Variants in CELF2 observed in about 807,000 individuals in gnomAD.
CELF2 encodes the protein CUGBP Elav-like family member 2, also known as CUG triplet repeat RNA-binding protein 2.
Under a neutral mutation model 62.6 loss-of-function variants are expected in CELF2, and 8 were observed. That is an observed-to-expected ratio of 0.13 (90% CI 0.07 to 0.23). The LOEUF is 0.23. CELF2 is among the 10% of genes least tolerant of loss of function. The pLI is 1.00. For synonymous variants in CELF2, 258 were observed against 250.0 expected, an observed-to-expected ratio of 1.03 and a Z score of -0.30; for missense variants, 333 against 671.0, an observed-to-expected ratio of 0.50 and a Z score of 5.56.
chr10:11,063,868 A>G (rs1008676751), intron 1 of CELF2, among the ~76,000 whole-genome samples: 6 of 152,186 alleles, frequency 3.9e-5, no homozygotes, highest in African/African-American at 1.2e-4. Context: ...AAAGGTGACA[A>G]TGAGCATCTT....
chr10:10,550,613 A>C, the CELF2 span, among the ~76,000 whole-genome samples: 1 of 151,962 alleles, frequency 6.6e-6, no homozygotes, highest in Non-Finnish European at 1.5e-5. Flanking sequence ...CAATGAGTTG[A>C]TGCTGGGAAT....
At chr10:11,265,327 T>TTTA (rs2081907291) in intron 5 of CELF2, among the ~76,000 whole-genome samples, 1 of 152,248 alleles carries the variant, frequency 6.6e-6, no homozygotes, top group Non-Finnish European at 1.5e-5. Flanking sequence ...CCTCTCAGTG[T>TTTA]TTAGATCTGC....
At chr10:11,006,905 A>C (rs1481040225) in intron 1 of CELF2, among the ~76,000 whole-genome samples, 1 of 152,232 alleles carries the variant, frequency 6.6e-6, no homozygotes, top group African/African-American at 2.4e-5. Context: ...CTAAGGTGAG[A>C]ACAGTGAAGC....
chr10:11,094,043 A>G (rs993790513), intron 1 of CELF2, among the ~76,000 whole-genome samples: 3 of 152,220 alleles, frequency 2.0e-5, no homozygotes, highest in African/African-American at 7.2e-5. Context: ...GTTCTCGGAG[A>G]TTCAATGTCC....
intron 1 of CELF2, among the ~76,000 whole-genome samples, chr10:11,088,554 C>T (rs574717460): frequency 2.7e-5 from 4 of 149,908 alleles, no homozygotes; most frequent in South Asian, 4.2e-4. Flanking sequence ...GAGGAAGAGC[C>T]TAGCAGAGCC....
At chr10:10,673,210 C>T in the CELF2 span, among the ~76,000 whole-genome samples, 3 of 152,016 alleles carry the variant, frequency 2.0e-5, no homozygotes, top group Admixed American at 1.3e-4. Flanking sequence ...AGATTTTCTA[C>T]GTAGACTACC....
intron 1 of CELF2, among the ~76,000 whole-genome samples, chr10:11,023,690 G>T (rs1475136041): frequency 6.6e-6 from 1 of 152,226 alleles, no homozygotes; most frequent in Non-Finnish European, 1.5e-5. Context: ...TCTAAATCAT[G>T]ACAGAAAGTG....
At chr10:11,063,645 C>G (rs1019872210) in intron 1 of CELF2, among the ~76,000 whole-genome samples, 2 of 152,148 alleles carry the variant, frequency 1.3e-5, no homozygotes, top group Admixed American at 6.5e-5. Context: ...AAGTGTTACA[C>G]AAATGTGGCA....
chr10:10,483,888 C>T, the CELF2 span, among the ~76,000 whole-genome samples: 1 of 151,092 alleles, frequency 6.6e-6, no homozygotes, highest in African/African-American at 2.4e-5. Context: ...CTCTCTCTCT[C>T]GTCTCTCTCT....
chr10:11,113,238 C>T (rs1046003616), intron 1 of CELF2, among the ~76,000 whole-genome samples: 4 of 152,068 alleles, frequency 2.6e-5, no homozygotes, highest in Non-Finnish European at 5.9e-5. Context: ...GTCATGTTTC[C>T]AAAAGGAAAA....
intron 2 of CELF2, among the ~76,000 whole-genome samples, chr10:11,194,931 G>A (rs2057039462): frequency 6.6e-6 from 1 of 152,206 alleles, no homozygotes; most frequent in African/African-American, 2.4e-5. Flanking sequence ...GGAAGGAGTG[G>A]AGGGGAGCTT....
chr10:10,678,729 A>G, the CELF2 span, among the ~76,000 whole-genome samples: 1 of 152,222 alleles, frequency 6.6e-6, no homozygotes, highest in Non-Finnish European at 1.5e-5. Context: ...GCATTCCCAG[A>G]ACTTGGATAG....
chr10:10,923,533 A>G (rs1394930792), intron 2 of CELF2, among the ~76,000 whole-genome samples: 3 of 152,194 alleles, frequency 2.0e-5, no homozygotes, highest in Non-Finnish European at 4.4e-5. Flanking sequence ...TCGAAATGAG[A>G]TATGTGCCCA....
At chr10:10,506,492 A>G in the CELF2 span, among the ~76,000 whole-genome samples, 1 of 152,030 alleles carries the variant, frequency 6.6e-6, no homozygotes, top group East Asian at 1.9e-4. Context: ...GACAACCATC[A>G]TATCCACCTG....
chr10:11,205,645 A>C (rs1248935610), intron 2 of CELF2, among the ~76,000 whole-genome samples: 1 of 152,202 alleles, frequency 6.6e-6, no homozygotes. Context: ...AATGGGCATG[A>C]GAAGACTATC....
intron 1 of CELF2, among the ~76,000 whole-genome samples, chr10:10,873,127 T>G (rs1023713536): frequency 6.6e-6 from 1 of 152,200 alleles, no homozygotes; most frequent in African/African-American, 2.4e-5. Context: ...ATGTTTGTAC[T>G]TTGAGCTGCC....
chr10:10,762,482 G>C, the CELF2 span, among the ~76,000 whole-genome samples: 2 of 152,110 alleles, frequency 1.3e-5, no homozygotes, highest in African/African-American at 4.8e-5. Flanking sequence ...AGAAAGAGTA[G>C]ATTAATAGAG....
chr10:10,647,935 G>A, the CELF2 span, among the ~76,000 whole-genome samples: 2 of 152,090 alleles, frequency 1.3e-5, no homozygotes, highest in Non-Finnish European at 2.9e-5. Context: ...CCATTGTTAC[G>A]GGAGAGAAAA....
chr10:10,845,669 G>A (rs2058968170), intron 1 of CELF2, among the ~76,000 whole-genome samples: 1 of 152,096 alleles, frequency 6.6e-6, no homozygotes, highest in Non-Finnish European at 1.5e-5. Flanking sequence ...AATATCACAT[G>A]TATATATCAC....
Sources: allele counts gnomAD v4.1 joint callset (sites outside exome capture counted in the v4.1 genomes callset), GRCh38; gene constraint gnomAD v4.1.1; transcripts MANE v1.5; gene names NCBI Gene and HGNC (gene_info 2026-07-23, HGNC 2026-07-21).